Variants in CRYZL1 observed in about 807,000 individuals in gnomAD.
CRYZL1 encodes the protein crystallin zeta like 1.
In CRYZL1, 34 loss-of-function variants were observed where a neutral mutation model predicts 50.6. The ratio of observed to expected loss-of-function variants is 0.67; its 90% CI spans 0.51 to 0.89. The LOEUF is 0.89. Among genes scored for constraint, CRYZL1 ranks in the 40% least tolerant of loss-of-function variants. CRYZL1 has a pLI of 0.00. For synonymous variants in CRYZL1, 125 were observed against 134.3 expected (o/e 0.93, Z 0.48); for missense variants, 354 against 402.3 (o/e 0.88, Z 1.03).
intron 4 of CRYZL1, among the ~76,000 whole-genome samples, chr21:33,619,568 CTTTT>C (rs953944060): frequency 1.4e-5 from 2 of 146,850 alleles, no homozygotes; most frequent in African/African-American, 5.4e-5. Flanking sequence ...TTTTCTTTTT[CTTTT>C]TTTTCTTTTG....
chr21:33,632,932 A>T (rs2087158751), intron 1 of CRYZL1, among the ~76,000 whole-genome samples: 1 of 152,164 alleles, frequency 6.6e-6, no homozygotes. Context: ...CCAATATCCT[A>T]AATTTTAACA....
rs2276226 is a variant in CRYZL1, at chr21:33,613,448, T to C, written c.331+90A>G. On this transcript the variant is annotated intron_variant, in intron 6 of 12. Coordinates refer to ENST00000381554, the MANE Select transcript of CRYZL1 (RefSeq NM_145858.3). ...GATACTTTATTAAGTACAACACTTA[T>C]GGTAGATTCAAAAAAATTAAAATGT... 209,532 of 871,708 alleles carry C rather than the reference T, an allele frequency of 0.24. 26,678 individuals carry two copies. The highest frequency in any genetic ancestry group is 0.26 in the Non-Finnish European group (140,224 of 536,686). 54.0% of individuals were successfully genotyped at this position (871,708 alleles called of 1,614,324 possible).
At position 33,635,342 on chromosome 21, in the gene CRYZL1, T is replaced by G. The variant is rs570090013; in HGVS notation, c.-6-3785A>C. On this transcript the variant is annotated intron_variant, in intron 1 of 12. Transcript: ENST00000381554. ...ATTTGCACATAGGACATAAAAGTATTAAACTTTTTTTTTTTTTTTTTTTTT... is the reference window on the plus strand; with the variant it reads ...ATTTGCACATAGGACATAAAAGTATGAAACTTTTTTTTTTTTTTTTTTTTT... Among the ~76,000 whole-genome samples, 593 of 144,918 alleles carry G rather than the reference T, an allele frequency of 4.1e-3. 4 individuals carry two copies. The highest frequency in any genetic ancestry group is 0.015 in the African/African-American group (570 of 38,918).
At chr21:33,614,726 C>T (rs2086910047) in intron 5 of CRYZL1, among the ~76,000 whole-genome samples, 1 of 152,114 alleles carries the variant, frequency 6.6e-6, no homozygotes, top group Non-Finnish European at 1.5e-5. Context: ...CGTGCACCAC[C>T]ACGCCCAGCT....
At chr21:33,634,613 A>G (rs983074898) in intron 1 of CRYZL1, among the ~76,000 whole-genome samples, 1 of 151,938 alleles carries the variant, frequency 6.6e-6, no homozygotes, top group Non-Finnish European at 1.5e-5. Flanking sequence ...ATAAAAAAAA[A>G]AACAACTCTG....
chr21:33,631,366 AG>A (rs2087135351), intron 2 of CRYZL1, 119 bp downstream of exon 2: 2 of 588,894 alleles, frequency 3.4e-6, no homozygotes, highest in South Asian at 5.2e-5. Flanking sequence ...CTGTAATTTG[AG>A]GAGTTTCATT....
chr21:33,592,398 AAGTG>A (rs1297868736), intron 11 of CRYZL1, among the ~76,000 whole-genome samples: 5 of 152,158 alleles, frequency 3.3e-5, no homozygotes, highest in African/African-American at 1.2e-4. Flanking sequence ...CAGCCTCCCA[AAGTG>A]CTGGGATTAC....
chr21:33,596,112 A>G, intron 10 of CRYZL1: 1 of 589,026 alleles, frequency 1.7e-6, no homozygotes, highest in Non-Finnish European at 3.3e-6. Context: ...GGCCATCTTC[A>G]TGAGGGTGTT....
intron 2 of CRYZL1, among the ~76,000 whole-genome samples, chr21:33,627,218 A>G (rs1002063676): frequency 6.6e-6 from 1 of 151,338 alleles, no homozygotes; most frequent in Non-Finnish European, 1.5e-5. Flanking sequence ...TGGTGTGAAC[A>G]TGGCTCACTG....
At chr21:33,597,870 T>C (rs1438757413) in intron 9 of CRYZL1, among the ~76,000 whole-genome samples, 3 of 152,140 alleles carry the variant, frequency 2.0e-5, no homozygotes, top group African/African-American at 7.2e-5. Context: ...CGCCTCGGCC[T>C]CCCAAAGTGC....
intron 6 of CRYZL1, among the ~76,000 whole-genome samples, chr21:33,605,741 C>A (rs1297363561): frequency 1.3e-5 from 2 of 151,652 alleles, no homozygotes; most frequent in African/African-American, 4.8e-5. Flanking sequence ...CCAGGCTGGT[C>A]TCGAACTCCT....
intron 1 of CRYZL1, among the ~76,000 whole-genome samples, chr21:33,634,885 A>C (rs2087185613): frequency 2.1e-5 from 1 of 47,212 alleles, no homozygotes; most frequent in South Asian, 5.6e-4. Flanking sequence ...ACAACAATAT[A>C]TATATATATA....
chr21:33,620,202 T>C (rs2145945832), intron 4 of CRYZL1, among the ~76,000 whole-genome samples: 1 of 152,266 alleles, frequency 6.6e-6, no homozygotes, highest in East Asian at 1.9e-4. Context: ...CAGGTAAAAC[T>C]CAAATATACT....
intron 6 of CRYZL1, among the ~76,000 whole-genome samples, chr21:33,608,258 G>A (rs1440786606): frequency 3.3e-5 from 5 of 152,076 alleles, no homozygotes; most frequent in Admixed American, 2.6e-4. Flanking sequence ...AGTTCGAGAC[G>A]GGCCTGGCCA....
intron 2 of CRYZL1, among the ~76,000 whole-genome samples, chr21:33,626,474 A>T (rs2087064569): frequency 6.6e-6 from 1 of 151,784 alleles, no homozygotes; most frequent in South Asian, 2.1e-4. Flanking sequence ...AGGTAAGTGG[A>T]TCACTTAAGG....
intron 2 of CRYZL1, among the ~76,000 whole-genome samples, chr21:33,630,391 G>A (rs1481695213): frequency 6.6e-6 from 1 of 152,162 alleles, no homozygotes; most frequent in African/African-American, 2.4e-5. Context: ...TTTGAGACCA[G>A]CCTGGCCAAC....
intron 6 of CRYZL1, 32 bp downstream of exon 6, chr21:33,613,506 T>C (rs778276243): frequency 7.1e-6 from 10 of 1,415,806 alleles, no homozygotes; most frequent in South Asian, 3.5e-5. Flanking sequence ...GTAAGACTTA[T>C]GTGAGCTCCA....
chr21:33,623,393 C>G (rs1448169051), intron 3 of CRYZL1, among the ~76,000 whole-genome samples: 1 of 152,160 alleles, frequency 6.6e-6, no homozygotes, highest in Non-Finnish European at 1.5e-5. Context: ...TTATGCTTAA[C>G]AGATGTGCAA....
At chr21:33,636,519 A>G (rs2087208519) in intron 1 of CRYZL1, among the ~76,000 whole-genome samples, 1 of 152,210 alleles carries the variant, frequency 6.6e-6, no homozygotes, top group South Asian at 2.1e-4. Context: ...TAGTAATACT[A>G]TAAATTTTTA....
Sources: gnomAD v4.1 joint callset for allele counts (sites outside exome capture counted in the v4.1 genomes callset) on GRCh38, gnomAD v4.1.1 for gene constraint, MANE v1.5 for transcripts, NCBI Gene and HGNC (gene_info 2026-07-23, HGNC 2026-07-21) for gene names.